MAP3K5: variants seen among roughly 807,000 people sequenced by gnomAD.
The protein encoded by MAP3K5 is mitogen-activated protein kinase kinase kinase 5.
MAP3K5 carries 56 observed loss-of-function variants against 158.7 expected under a neutral mutation model. That is an observed-to-expected ratio of 0.35 (90% CI 0.28 to 0.44). MAP3K5 has a LOEUF of 0.44. Among genes scored for constraint, MAP3K5 ranks in the 20% least tolerant of loss-of-function variants. The pLI, the probability that MAP3K5 is intolerant of heterozygous loss-of-function variation, is 1.00. For missense variants in MAP3K5, 1,294 were observed against 1,674.8 expected (o/e 0.77, Z 3.97); for synonymous variants, 579 against 601.7 (o/e 0.96, Z 0.55).
In MAP3K5 at chr6:136,720,498, G is replaced by A. The variant is rs1221613158; in HGVS notation, c.540C>T (p.Asn180=). 1.2e-6 allele frequency: 2 copies of A among 1,613,582 alleles called. No homozygotes were observed. The highest frequency in any genetic ancestry group is 2.2e-5 in the East Asian group (1 of 44,844). The change falls in exon 2 of 30, where the codon AAC becomes AAT. Residue 180 remains asparagine (N), a synonymous_variant. Transcript: ENST00000359015. ...AGTTAGTATCACAGTAGAGGATGAT[G>A]TTGTTGGCCATGCTGAAACTTTCTC... ...GVRESFSMAN[N]IILYCDTNSD... is the part of the protein sequence containing the mutation.
At chr6:136,562,411 A>T in intron 27 of MAP3K5, 92 bp downstream of exon 27, 1 of 579,368 alleles carries the variant, frequency 1.7e-6, no homozygotes, top group Non-Finnish European at 3.0e-6. Context: ...AGAAATGCTG[A>T]CTTAGCCACA....
intron 26 of MAP3K5, among the ~76,000 whole-genome samples, chr6:136,564,094 G>A (rs1227178854): frequency 6.6e-6 from 1 of 152,294 alleles, no homozygotes; most frequent in Admixed American, 6.5e-5. Flanking sequence ...AGATTATTGT[G>A]AGCATTAAAT....
At chr6:136,764,889 A>C (rs1034111964) in intron 1 of MAP3K5, among the ~76,000 whole-genome samples, 4 of 152,160 alleles carry the variant, frequency 2.6e-5, no homozygotes, top group Non-Finnish European at 5.9e-5. Context: ...TGTTTGTCTC[A>C]CTGCATCTCA....
intron 14 of MAP3K5, 46 bp from the exon 15 acceptor site, chr6:136,623,027 T>C (rs760470347): frequency 1.0e-5 from 16 of 1,589,428 alleles, no homozygotes; most frequent in Non-Finnish European, 1.3e-5. Flanking sequence ...ATTAGTTCAT[T>C]CTACATTTCA....
At chr6:136,565,330 T>A (rs1052608208) in intron 26 of MAP3K5, among the ~76,000 whole-genome samples, 2 of 152,242 alleles carry the variant, frequency 1.3e-5, no homozygotes, top group Non-Finnish European at 2.9e-5. Flanking sequence ...ATGAGGTCAA[T>A]TTTTAACCTT....
At chr6:136,685,744 A>T (rs1780119917) in intron 7 of MAP3K5, among the ~76,000 whole-genome samples, 1 of 152,196 alleles carries the variant, frequency 6.6e-6, no homozygotes, top group African/African-American at 2.4e-5. Context: ...CAGCAACAGC[A>T]TTTAAGAAAT....
intron 1 of MAP3K5, among the ~76,000 whole-genome samples, chr6:136,738,082 C>T (rs1251397906): frequency 6.6e-6 from 1 of 152,200 alleles, no homozygotes; most frequent in Non-Finnish European, 1.5e-5. Context: ...TGGCTTATCG[C>T]TCTGCCCAGC....
intron 1 of MAP3K5, among the ~76,000 whole-genome samples, chr6:136,724,350 G>A (rs886073648): frequency 6.6e-6 from 1 of 151,254 alleles, no homozygotes; most frequent in African/African-American, 2.4e-5. Flanking sequence ...CCGGGTTCAA[G>A]TGTTTCTCCT....
At chr6:136,705,185 TCAA>T (rs750404422) in intron 2 of MAP3K5, 52 bp from the exon 3 acceptor site, 171 of 837,730 alleles carry the variant, frequency 2.0e-4, no homozygotes, top group African/African-American at 1.2e-3. Flanking sequence ...ACTGAATAAT[TCAA>T]CAACATTTAT....
chr6:136,686,759 C>G (rs911869695), intron 7 of MAP3K5, among the ~76,000 whole-genome samples: 1 of 152,094 alleles, frequency 6.6e-6, no homozygotes, highest in African/African-American at 2.4e-5. Context: ...AACCACTGCT[C>G]AAGGAAATAA....
At chr6:136,674,559 TA>T (rs981324550) in intron 7 of MAP3K5, among the ~76,000 whole-genome samples, 1 of 151,788 alleles carries the variant, frequency 6.6e-6, no homozygotes, top group African/African-American at 2.4e-5. Flanking sequence ...GTAAGACCAA[TA>T]AAAAATAAAT....
Position 136,605,384 on chromosome 6 carries a change from A to G in MAP3K5, c.2522-18T>C, listed in dbSNP as rs915118121. ...GAGGGTACCTGGAAACAATTCAAAC[A>G]CATTTCCATTTTAAAAAGATAAAAC... is the stretch of plus-strand genomic sequence containing the variant. On this transcript the variant is annotated intron_variant, in intron 18 of 29. Coordinates refer to ENST00000359015, the MANE Select transcript of MAP3K5 (RefSeq NM_005923.4). 3.8e-6 allele frequency: 6 copies of G among 1,586,914 alleles called. No individual in the cohort carries two copies. Among genetic ancestry groups the G allele is most frequent in the Admixed American group, 1.8e-5 (1 of 54,274 alleles).
chr6:136,559,370 AC>A (rs1436400144), intron 28 of MAP3K5, among the ~76,000 whole-genome samples: 3 of 124,224 alleles, frequency 2.4e-5, no homozygotes, highest in African/African-American at 8.3e-5. Flanking sequence ...AAAAACAAAA[AC>A]AAAAACAAAA....
At chr6:136,652,800 G>T (rs1263515974) in intron 10 of MAP3K5, among the ~76,000 whole-genome samples, 1 of 152,192 alleles carries the variant, frequency 6.6e-6, no homozygotes, top group Non-Finnish European at 1.5e-5. Flanking sequence ...AAACAAGGTT[G>T]TAACTATCAC....
intron 1 of MAP3K5, among the ~76,000 whole-genome samples, chr6:136,731,872 G>A (rs1782240668): frequency 6.6e-6 from 1 of 152,158 alleles, no homozygotes; most frequent in East Asian, 1.9e-4. Flanking sequence ...AGGAAAGCAA[G>A]AGATCAGACA....
At chr6:136,668,328 G>A (rs1779316980) in intron 8 of MAP3K5, among the ~76,000 whole-genome samples, 2 of 152,168 alleles carry the variant, frequency 1.3e-5, no homozygotes, top group Admixed American at 1.3e-4. Flanking sequence ...AGGCTGCAGT[G>A]AGCTATGATC....
intron 3 of MAP3K5, among the ~76,000 whole-genome samples, chr6:136,704,348 A>G (rs527539120): frequency 5.3e-5 from 8 of 152,282 alleles, no homozygotes; most frequent in African/African-American, 1.7e-4. Flanking sequence ...TCAAGGCTTC[A>G]CTGAGGTTGG....
chr6:136,651,357 T>C (rs552035002), intron 10 of MAP3K5, among the ~76,000 whole-genome samples: 1 of 152,344 alleles, frequency 6.6e-6, no homozygotes, highest in East Asian at 1.9e-4. Context: ...AGTCCATACA[T>C]GGGTTCAGCT....
At chr6:136,653,257 A>G (rs1692623568) in intron 10 of MAP3K5, among the ~76,000 whole-genome samples, 1 of 152,254 alleles carries the variant, frequency 6.6e-6, no homozygotes, top group Non-Finnish European at 1.5e-5. Context: ...AAATGATGGT[A>G]CCATTCAAAT....
Sources: gnomAD v4.1 joint callset for allele counts (sites outside exome capture counted in the v4.1 genomes callset) on GRCh38, gnomAD v4.1.1 for gene constraint, MANE v1.5 for transcripts, NCBI Gene and HGNC (gene_info 2026-07-23, HGNC 2026-07-21) for gene names.